HOMER2: variants seen among roughly 807,000 people sequenced by gnomAD.
HOMER2 encodes the protein homer protein homolog 2.
Under a neutral mutation model 47.0 loss-of-function variants are expected in HOMER2, and 27 were observed. That is an observed-to-expected ratio of 0.57 (90% CI 0.42 to 0.79). The LOEUF is 0.79. HOMER2 is among the 30% of genes least tolerant of loss of function. The pLI is 0.00. For synonymous variants in HOMER2, 161 were observed against 163.8 expected, an observed-to-expected ratio of 0.98 and a Z score of 0.13; for missense variants, 443 against 435.0, an observed-to-expected ratio of 1.02 and a Z score of -0.16.
chr15:82,840,081 T>C (rs1265978306), exon 2 of HOMER2: 1 of 152,178 alleles, frequency 6.6e-6, no homozygotes, highest in Non-Finnish European at 1.5e-5. Context: ...AAATTATTTA[T>C]AACTTAGAAC....
intron 1 of HOMER2, among the ~76,000 whole-genome samples, chr15:82,972,158 T>C (rs1483300536): frequency 6.6e-6 from 1 of 152,194 alleles, no homozygotes; most frequent in African/African-American, 2.4e-5. Flanking sequence ...AATGTTTCCA[T>C]TAGCCCAAAA....
At chr15:82,858,916 A>C (rs1232015282) in intron 5 of HOMER2, 113 bp downstream of exon 5, 2 of 1,266,896 alleles carry the variant, frequency 1.6e-6, no homozygotes, top group African/African-American at 3.0e-5. Context: ...TGGATGCTCT[A>C]AGCAGGTCCC....
chr15:82,893,616 C>A (rs532289068), intron 1 of HOMER2, among the ~76,000 whole-genome samples: 13 of 148,540 alleles, frequency 8.8e-5, no homozygotes, highest in Admixed American at 4.0e-4. Context: ...TAGGCGTAAG[C>A]CACTGCGCCT....
chr15:82,861,657 T>C (rs1286369950), intron 4 of HOMER2, among the ~76,000 whole-genome samples: 2 of 152,228 alleles, frequency 1.3e-5, no homozygotes, highest in African/African-American at 2.4e-5. Context: ...TTAATCAAAG[T>C]GTTCATACTC....
chr15:82,916,327 G>A (rs1197628128), intron 1 of HOMER2, among the ~76,000 whole-genome samples: 1 of 152,130 alleles, frequency 6.6e-6, no homozygotes, highest in Admixed American at 6.5e-5. Flanking sequence ...CTATAAAGGA[G>A]AGCTGTGCTG....
At chr15:82,958,935 G>A (rs147471785) in exon 2 of HOMER2, 4 of 152,482 alleles carry the variant, frequency 2.6e-5, no homozygotes, top group Non-Finnish European at 5.9e-5. Context: ...TGATTATGCT[G>A]CCCCATGCTC....
intron 1 of HOMER2, among the ~76,000 whole-genome samples, chr15:82,926,936 T>C (rs1012361178): frequency 1.4e-4 from 21 of 152,334 alleles, no homozygotes; most frequent in African/African-American, 5.1e-4. Flanking sequence ...AGTAAATTTC[T>C]GTTCATTACA....
exon 2 of HOMER2, chr15:82,839,865 A>C (rs2051158753): frequency 6.6e-6 from 1 of 152,188 alleles, no homozygotes; most frequent in Non-Finnish European, 1.5e-5. Context: ...GGAGATATGT[A>C]TTAAAACTAA....
At chr15:82,851,047 T>C (rs2051374831) in intron 8 of HOMER2, 104 bp downstream of exon 8, 4 of 797,060 alleles carry the variant, frequency 5.0e-6, no homozygotes, top group Non-Finnish European at 6.2e-6. Context: ...AAATCTCTCC[T>C]TCAGCATTCT....
chr15:82,878,217 G>C (rs1232701177), intron 2 of HOMER2, among the ~76,000 whole-genome samples: 2 of 152,202 alleles, frequency 1.3e-5, no homozygotes, highest in African/African-American at 4.8e-5. Flanking sequence ...TATAGGATAT[G>C]GCTCTTAAGC....
chr15:82,892,824 G>A lies in HOMER2; in HGVS notation c.23C>T (p.Thr8Ile). 1 of 1,596,822 alleles carries A rather than the reference G, an allele frequency of 6.3e-7. No individual in the cohort carries two copies. The highest frequency in any genetic ancestry group is 8.6e-7 in the Non-Finnish European group (1 of 1,168,064). MGEQPIF[T>I]TRAHVFQIDP... ...AATCTGGAAGACATGCGCTCGGGTG[G>A]TGAAGATGGGCTGTTCTCTGCAATA... Residue 8 changes from threonine to isoleucine, a missense_variant, in exon 2 of 9, where the codon ACC (threonine) becomes ATC (isoleucine). Transcript: ENST00000450735.
chr15:82,962,080 A>T (rs1947410870), intron 1 of HOMER2, among the ~76,000 whole-genome samples: 1 of 151,928 alleles, frequency 6.6e-6, no homozygotes, highest in Non-Finnish European at 1.5e-5. Flanking sequence ...AACTTTTAAA[A>T]AATGTCCAGG....
At chr15:82,902,979 A>G (rs1217539200) in intron 1 of HOMER2, among the ~76,000 whole-genome samples, 3 of 152,244 alleles carry the variant, frequency 2.0e-5, no homozygotes, top group African/African-American at 7.2e-5. Flanking sequence ...AGAGTCTGTT[A>G]TATTTTATGA....
chr15:82,938,948 C>A (rs565337496), intron 1 of HOMER2, among the ~76,000 whole-genome samples: 1 of 152,316 alleles, frequency 6.6e-6, no homozygotes, highest in African/African-American at 2.4e-5. Context: ...GGCTCATTCA[C>A]CGGCTTCTTT....
exon 2 of HOMER2, chr15:82,838,769 T>C (rs1012687483): frequency 6.6e-6 from 1 of 152,200 alleles, no homozygotes; most frequent in East Asian, 1.9e-4. Flanking sequence ...CTGAGTCAAA[T>C]TGCATGAGCC....
At chr15:82,874,752 G>A (rs1371430793) in intron 3 of HOMER2, among the ~76,000 whole-genome samples, 1 of 152,196 alleles carries the variant, frequency 6.6e-6, no homozygotes, top group Non-Finnish European at 1.5e-5. Context: ...TGACGTTGAT[G>A]GCTGTCAGAG....
chr15:82,978,469 G>C (rs1805363219), intron 1 of HOMER2, among the ~76,000 whole-genome samples: 1 of 152,172 alleles, frequency 6.6e-6, no homozygotes. Context: ...AGACCAGAGT[G>C]GGGAGGGCAC....
chr15:82,872,198 G>A (rs1330570370), intron 3 of HOMER2, among the ~76,000 whole-genome samples: 1 of 152,130 alleles, frequency 6.6e-6, no homozygotes, highest in African/African-American at 2.4e-5. Context: ...TACCCCCTCA[G>A]ACAGAGGTTC....
intron 1 of HOMER2, among the ~76,000 whole-genome samples, chr15:82,937,872 G>A (rs534684420): frequency 9.2e-5 from 14 of 152,288 alleles, no homozygotes; most frequent in African/African-American, 2.2e-4. Flanking sequence ...TGCTTGGCAT[G>A]TTGGCACACC....
Sources: allele counts gnomAD v4.1 joint callset (sites outside exome capture counted in the v4.1 genomes callset), GRCh38; gene constraint gnomAD v4.1.1; transcripts MANE v1.5; gene names NCBI Gene and HGNC (gene_info 2026-07-23, HGNC 2026-07-21).